Variants in GIMAP2 observed in about 807,000 individuals in gnomAD.
GIMAP2 encodes the protein GTPase, IMAP family member 2.
In GIMAP2, 22 loss-of-function variants were observed where a neutral mutation model predicts 25.5. The observed-to-expected ratio is 0.86, with a 90% CI of 0.62 to 1.23. The LOEUF is 1.23. Among genes scored for constraint, GIMAP2 ranks in the 50% most tolerant of loss-of-function variants. The pLI is 0.00. For missense variants in GIMAP2, 422 were observed against 395.7 expected (o/e 1.07, Z -0.56); for synonymous variants, 167 against 143.0 (o/e 1.17, Z -1.20).
rs1366551109 is a variant in GIMAP2 at position 150,686,905 on chromosome 7, C to G, written c.-8-147C>G. 143 of 580,238 alleles carry G rather than the reference C, an allele frequency of 2.5e-4. No individual in the cohort carries two copies. In the Middle Eastern group the frequency reaches 4.1e-3, roughly 16 times the overall value. 35.9% of individuals were successfully genotyped at this position (580,238 alleles called of 1,614,324 possible). Reference sequence around the variant, plus strand: ...GTTGCAGTGAGCCGAGATCGCACCACTGCACTCCAGCCTGGGTGACAGAGT... The same window carrying G: ...GTTGCAGTGAGCCGAGATCGCACCAGTGCACTCCAGCCTGGGTGACAGAGT... On this transcript the variant is annotated intron_variant, in intron 1 of 2. Coordinates refer to ENST00000223293, the MANE Select transcript of GIMAP2 (RefSeq NM_015660.3).
chr7:150,693,025 A>T lies in GIMAP2; in HGVS notation c.739A>T (p.Met247Leu), dbSNP rs372579875. The T allele has an allele frequency of 3.7e-6, 6 of 1,614,110 alleles. No individual in the cohort carries two copies. In the African/African-American group the frequency reaches 5.3e-5, roughly 14 times the overall value. The change falls in exon 3 of 3, where the codon ATG (methionine) becomes TTG (leucine). Residue 247 changes from methionine to leucine, a missense_variant. Physicochemically the swap from Met to Leu is conservative, Grantham distance 15. Coordinates refer to ENST00000223293, the MANE Select transcript of GIMAP2 (RefSeq NM_015660.3). The part of the protein sequence containing the change: ...KEFKQSLIKY[M>L]ETQRSYTALA... Reference sequence around the variant, plus strand: ...ATTCAAACAGAGCCTTATAAAGTACATGGAAACTCAAAGAAGTTACACAGC... The same window carrying T: ...ATTCAAACAGAGCCTTATAAAGTACTTGGAAACTCAAAGAAGTTACACAGC...
chr7:150,692,413 C>T lies in GIMAP2; in HGVS notation c.127C>T (p.Leu43Phe). The T allele has an allele frequency of 1.9e-6, 3 of 1,614,212 alleles. No homozygotes were observed. Among genetic ancestry groups the T allele is most frequent in the Non-Finnish European group, 2.5e-6 (3 of 1,180,038 alleles). Residue 43 changes from leucine (L) to phenylalanine (F), a missense_variant, in exon 3 of 3, where the codon CTC (leucine) becomes TTC (phenylalanine). By Grantham distance (22) the Leu-to-Phe change is conservative (BLOSUM62 0). Coordinates refer to ENST00000223293, the MANE Select transcript of GIMAP2 (RefSeq NM_015660.3). ...CAAAAGTGCTGCAGGGAACAGCATC[C>T]TCAGGAAGCAAGCATTTGAATCGAA... is the stretch of plus-strand genomic sequence containing the variant. ...TGKSAAGNSI[L>F]RKQAFESKLG...
At chr7:150,691,792 A>G (rs181330097) in intron 2 of GIMAP2, among the ~76,000 whole-genome samples, 5 of 152,318 alleles carry the variant, frequency 3.3e-5, no homozygotes, top group East Asian at 3.9e-4. Flanking sequence ...CTCTAAATCC[A>G]TCTCATCCCC....
chr7:150,691,096 G>A lies in GIMAP2; in HGVS notation c.29-1219G>A, dbSNP rs1045413383. Among the ~76,000 whole-genome samples, 10 of 152,258 alleles carry A rather than the reference G, an allele frequency of 6.6e-5. No homozygotes were observed. The South Asian group carries it at 1.0e-3, about 16-fold the overall frequency. ...GATTCTCCTGTTATCATGGTATTCC[G>A]TTTCACTCATATAGGTCAAATGTTC... On this transcript the variant is annotated intron_variant, in intron 2 of 2. Coordinates refer to ENST00000223293, the MANE Select transcript of GIMAP2 (RefSeq NM_015660.3).
chr7:150,691,253 T>C (rs1337658501), intron 2 of GIMAP2, among the ~76,000 whole-genome samples: 1 of 152,134 alleles, frequency 6.6e-6, no homozygotes, highest in Non-Finnish European at 1.5e-5. Flanking sequence ...CCTAGACAAG[T>C]CATTCTTATC....
At chr7:150,686,678 T>C (rs1330762866) in intron 1 of GIMAP2, among the ~76,000 whole-genome samples, 1 of 152,056 alleles carries the variant, frequency 6.6e-6, no homozygotes, top group Non-Finnish European at 1.5e-5. Flanking sequence ...GTGTGATGGC[T>C]CACGCTTTTA....
chr7:150,688,696 G>A (rs985837958), intron 2 of GIMAP2, among the ~76,000 whole-genome samples: 4 of 152,112 alleles, frequency 2.6e-5, no homozygotes, highest in African/African-American at 7.2e-5. Context: ...CCATCAGGCA[G>A]GAGGATGGGT....
intron 1 of GIMAP2, among the ~76,000 whole-genome samples, chr7:150,686,321 A>G (rs1234458464): frequency 6.6e-6 from 1 of 152,078 alleles, no homozygotes; most frequent in Non-Finnish European, 1.5e-5. Context: ...GGAGGTTTGG[A>G]GAGAGTAGAG....
chr7:150,686,064 T>C (rs1796896851), intron 1 of GIMAP2, among the ~76,000 whole-genome samples: 1 of 152,218 alleles, frequency 6.6e-6, no homozygotes, highest in African/African-American at 2.4e-5. Flanking sequence ...TCTGTGCTTG[T>C]ACGCTTGGTC....
rs2116508198 is a variant in GIMAP2, at chr7:150,692,582, A to G, written c.296A>G (p.Tyr99Cys). ...CTGTACAAAGAGGTGCAGAGGTGCT[A>G]CTTGCTGTCTGCACCAGGACCCCAT... is the stretch of plus-strand genomic sequence containing the variant. ...EALYKEVQRC[Y>C]LLSAPGPHVL... Residue 99 changes from tyrosine (Y) to cysteine (C), a missense_variant, in exon 3 of 3, where the codon TAC (tyrosine) becomes TGC (cysteine). Physicochemically the swap from Tyr to Cys is radical, Grantham distance 194 (BLOSUM62 -2). Transcript: ENST00000223293. The G allele has an allele frequency of 1.2e-6, 2 of 1,614,048 alleles. No individual in the cohort carries two copies. The highest frequency in any genetic ancestry group is 2.2e-5 in the East Asian group (1 of 44,866).
chr7:150,692,314 G>A lies in GIMAP2; in HGVS notation c.29-1G>A. 1 of 1,612,944 alleles carries A rather than the reference G, an allele frequency of 6.2e-7. No individual in the cohort carries two copies. Among genetic ancestry groups the A allele is most frequent in the Non-Finnish European group, 8.5e-7 (1 of 1,179,024 alleles). ...TAACACAGTAAACTTGCTCCTCACA[G>A]GACCACATGCAAAGGGCCAATGTGC... On this transcript the variant is annotated splice_acceptor_variant, in intron 2 of 2. Transcript: ENST00000223293. LOFTEE classifies it high-confidence loss of function.
intron 2 of GIMAP2, among the ~76,000 whole-genome samples, chr7:150,690,492 G>A (rs1796955276): frequency 6.6e-6 from 1 of 152,164 alleles, no homozygotes; most frequent in South Asian, 2.1e-4. Context: ...ATCATTGCTA[G>A]GAGGAGTAAA....
At chr7:150,686,968 G>GAAAGAAAA in intron 1 of GIMAP2, 84 bp from the exon 2 acceptor site, 1 of 747,732 alleles carries the variant, frequency 1.3e-6, no homozygotes, top group South Asian at 1.9e-5. Flanking sequence ...AAAAAAGAAA[G>GAAAGAAAA]AAAGAAAAAG....
At position 150,693,216 on chromosome 7, in the gene GIMAP2, C is replaced by T; in HGVS notation, c.930C>T (p.Cys310=). The change falls in exon 3 of 3, where the codon TGC becomes TGT. Residue 310 remains cysteine (C), a synonymous_variant. Transcript: ENST00000223293. ...CLLFSMCNLF[C]SLLFIIPKKL... ...TCTTTAGTATGTGCAATTTATTCTGCAGTTTGCTGTTTATTATACCCAAAA... is the reference window on the plus strand; with the variant it reads ...TCTTTAGTATGTGCAATTTATTCTGTAGTTTGCTGTTTATTATACCCAAAA... 1 of 1,608,884 alleles carries T rather than the reference C, an allele frequency of 6.2e-7. No homozygotes were observed. Among genetic ancestry groups the T allele is most frequent in the South Asian group, 1.1e-5 (1 of 90,840 alleles).
At chr7:150,688,584 C>T (rs941215271) in intron 2 of GIMAP2, among the ~76,000 whole-genome samples, 1 of 152,116 alleles carries the variant, frequency 6.6e-6, no homozygotes, top group African/African-American at 2.4e-5. Context: ...TTGAGTTTCT[C>T]CTTCCTCTAC....
intron 2 of GIMAP2, among the ~76,000 whole-genome samples, chr7:150,690,746 AC>A (rs1477496146): frequency 4.6e-5 from 7 of 152,218 alleles, no homozygotes; most frequent in Non-Finnish European, 8.8e-5. Context: ...TTAGAACACC[AC>A]CACATGGAGT....
chr7:150,687,291 G>GTTTGTTTTA (rs1796915478), intron 2 of GIMAP2: 4 of 342,354 alleles, frequency 1.2e-5, no homozygotes, highest in Non-Finnish European at 2.0e-5. Flanking sequence ...TGTTTGTTTT[G>GTTTGTTTTA]AGACAGTGTC....
rs1796988227 is a variant in GIMAP2, at chr7:150,693,074, A to G, written c.788A>G (p.Lys263Arg). ...YTALAEANCL[K>R]GALIKTQLCV... ...GCCTTGGCTGAAGCAAACTGCCTAA[A>G]AGGAGCCTTAATCAAAACACAACTG... is the stretch of plus-strand genomic sequence containing the variant. Residue 263 changes from lysine (K) to arginine (R), a missense_variant, in exon 3 of 3, where the codon AAA (lysine) becomes AGA (arginine). By Grantham distance (26) the Lys-to-Arg change is conservative. Coordinates refer to ENST00000223293, the MANE Select transcript of GIMAP2 (RefSeq NM_015660.3). 2 of 1,613,986 alleles carry G rather than the reference A, an allele frequency of 1.2e-6. No individual in the cohort carries two copies. Among genetic ancestry groups the G allele is most frequent in the South Asian group, 2.2e-5 (2 of 91,092 alleles).
At position 150,692,436 on chromosome 7, in the gene GIMAP2, G is replaced by C; in HGVS notation, c.150G>C (p.Ser50=). The stretch of plus-strand genomic sequence containing the variant: ...TCCTCAGGAAGCAAGCATTTGAATC[G>C]AAGCTGGGTTCCCAGACCTTGACTA... ...NSILRKQAFE[S]KLGSQTLTKT... The change falls in exon 3 of 3, where the codon TCG becomes TCC. Residue 50 remains serine (S), a synonymous_variant. Coordinates refer to ENST00000223293, the MANE Select transcript of GIMAP2 (RefSeq NM_015660.3). 2 of 1,614,182 alleles carry C rather than the reference G, an allele frequency of 1.2e-6. No homozygotes were observed. The highest frequency in any genetic ancestry group is 1.7e-6 in the Non-Finnish European group (2 of 1,180,030).
Sources: allele counts gnomAD v4.1 joint callset (sites outside exome capture counted in the v4.1 genomes callset), GRCh38; gene constraint gnomAD v4.1.1; transcripts MANE v1.5; gene names NCBI Gene and HGNC (gene_info 2026-07-23, HGNC 2026-07-21).